The following DYNC2I1 variants were observed in gnomAD, a reference collection of about 807,000 sequenced individuals.
DYNC2I1 encodes cytoplasmic dynein 2 intermediate chain 1.
In DYNC2I1, 89 loss-of-function variants were observed where a neutral mutation model predicts 133.4. The observed-to-expected ratio is 0.67, with a 90% confidence interval of 0.56 to 0.80. DYNC2I1 has a LOEUF of 0.80. DYNC2I1 is among the 30% of genes least tolerant of loss of function. The probability of loss-of-function intolerance (pLI) is 0.00; values close to 1 mark genes in which losing one functional copy is unlikely to be tolerated. For missense variants in DYNC2I1, 1,291 were observed against 1,314.5 expected (o/e 0.98, Z 0.28); for synonymous variants, 504 against 484.3 (o/e 1.04, Z -0.54).
intron 17 of DYNC2I1, 127 bp downstream of exon 17, chr7:158,923,860 G>A (rs1202316081): frequency 4.3e-6 from 5 of 1,158,432 alleles, no homozygotes; most frequent in Admixed American, 2.9e-5. Flanking sequence ...TGACCCATGG[G>A]CAAAAGAGGC....
the DYNC2I1 span, among the ~76,000 whole-genome samples, chr7:158,846,731 T>TC: frequency 8.5e-5 from 13 of 152,250 alleles, no homozygotes; most frequent in Non-Finnish European, 1.9e-4. Context: ...GATTGATAGC[T>TC]CAGAAGTACA....
At chr7:158,853,584 T>G (rs551986877), upstream of DYNC2I1, among the ~76,000 whole-genome samples, 1 of 152,198 alleles carries the variant, frequency 6.6e-6, no homozygotes, top group East Asian at 1.9e-4. Context: ...CAGAGATGAT[T>G]TATCTAGATA....
At position 158,906,014 on chromosome 7, in the gene DYNC2I1, C is replaced by G; in HGVS notation, c.1383C>G (p.Ala461=). The G allele has an allele frequency of 6.2e-7, 1 of 1,613,808 alleles. No homozygotes were observed. Among genetic ancestry groups the G allele is most frequent in the Non-Finnish European group, 8.5e-7 (1 of 1,179,810 alleles). Residue 461 remains alanine (A), a synonymous_variant, in exon 11 of 25, where the codon GCC becomes GCG. Transcript: ENST00000407559. The part of the protein sequence containing the change: ...RTDTNSSPSR[A]SVCGIFVDFA... Reference sequence around the variant, plus strand: ...ATACAAACAGTTCCCCTTCCAGAGCCTCTGTTTGTGGAATTTTTGTGGATT... The same window carrying G: ...ATACAAACAGTTCCCCTTCCAGAGCGTCTGTTTGTGGAATTTTTGTGGATT...
At chr7:158,948,814 A>G (rs1232727711), downstream of DYNC2I1, among the ~76,000 whole-genome samples, 1 of 152,170 alleles carries the variant, frequency 6.6e-6, no homozygotes, top group Admixed American at 6.5e-5. Flanking sequence ...TAGATGTTCA[A>G]GGTCCCAGGT....
the DYNC2I1 span, among the ~76,000 whole-genome samples, chr7:158,844,932 G>A: frequency 2.6e-5 from 4 of 151,952 alleles, no homozygotes; most frequent in Non-Finnish European, 2.9e-5. Flanking sequence ...AATTGCTCTC[G>A]TTCTATCTTT....
intron 21 of DYNC2I1, among the ~76,000 whole-genome samples, chr7:158,932,940 G>C (rs1440491705): frequency 6.6e-6 from 1 of 152,208 alleles, no homozygotes; most frequent in Non-Finnish European, 1.5e-5. Flanking sequence ...GCGAGGATAG[G>C]AGCAGGGAGG....
intron 7 of DYNC2I1, among the ~76,000 whole-genome samples, chr7:158,890,286 G>A (rs377514141): frequency 6.6e-6 from 1 of 152,024 alleles, no homozygotes; most frequent in African/African-American, 2.4e-5. Context: ...TTATCAGTGA[G>A]GTAACCAATG....
At chr7:158,942,191 C>T (rs770955761) in intron 24 of DYNC2I1, 43 bp downstream of exon 24, 2 of 1,465,866 alleles carry the variant, frequency 1.4e-6, no homozygotes, top group African/African-American at 2.8e-5. Context: ...TGTGGGGGGG[C>T]TTCGGCCACG....
intron 23 of DYNC2I1, among the ~76,000 whole-genome samples, chr7:158,939,085 GTTT>G (rs919316548): frequency 6.6e-5 from 10 of 152,220 alleles, no homozygotes; most frequent in African/African-American, 2.4e-4. Context: ...TCTTTCCTTT[GTTT>G]TTATTTCCTT....
Position 158,945,761 on chromosome 7 carries a change from G to A in DYNC2I1, c.3183G>A (p.Glu1061=). The A allele has an allele frequency of 6.3e-7, 1 of 1,575,462 alleles. No homozygotes were observed. The highest frequency in any genetic ancestry group is 8.6e-7 in the Non-Finnish European group (1 of 1,159,706). ...TTTTGCAGGAAGCCCTGTGGCCAGAGGGAAAACTGCACAAGTAGCGGGTGT... is the reference window on the plus strand; with the variant it reads ...TTTTGCAGGAAGCCCTGTGGCCAGAAGGAAAACTGCACAAGTAGCGGGTGT... ...RLLLQEALWP[E]GKLHK The change falls in exon 25 of 25, where the codon GAG becomes GAA. Residue 1061 remains glutamate (E), a synonymous_variant. Coordinates refer to ENST00000407559, the MANE Select transcript of DYNC2I1 (RefSeq NM_018051.5). The surrounding 1 kb of genome is among the most constrained non-coding windows in gnomAD (Gnocchi z 4.1).
intron 14 of DYNC2I1, among the ~76,000 whole-genome samples, chr7:158,916,215 T>A (rs62476504): frequency 2.6e-5 from 1 of 37,762 alleles, no homozygotes; most frequent in Non-Finnish European, 5.6e-5. Context: ...GTGAAACGTC[T>A]ACACGCTGGT....
intron 5 of DYNC2I1, among the ~76,000 whole-genome samples, chr7:158,880,494 A>C (rs1441304600): frequency 6.6e-6 from 1 of 152,166 alleles, no homozygotes; most frequent in Non-Finnish European, 1.5e-5. Context: ...CAGGAGGCAT[A>C]GGTTGCAGTG....
chr7:158,882,033 A>G (rs1190325119), intron 5 of DYNC2I1, among the ~76,000 whole-genome samples: 2 of 152,216 alleles, frequency 1.3e-5, no homozygotes, highest in African/African-American at 4.8e-5. Flanking sequence ...TTAAAGGTGA[A>G]TGTGAAAAAT....
Position 158,945,652 on chromosome 7 carries a change from G to C in DYNC2I1, c.3074G>C (p.Arg1025Thr). ...AGCTTCCTGGCCCTGGTGCTGGCCA[G>C]GGCGTCTGGCTCCATCGACATCCAG... ...GGSFLALVLARASGSIDIQHL... is the reference protein window; with the variant it reads ...GGSFLALVLATASGSIDIQHL... The change falls in exon 25 of 25, where the codon AGG becomes ACG. Residue 1025 changes from arginine to threonine, a missense_variant. Coordinates refer to ENST00000407559, the MANE Select transcript of DYNC2I1 (RefSeq NM_018051.5). The surrounding 1 kb of genome is among the most constrained non-coding windows in gnomAD (Gnocchi z 4.1). 6.2e-7 allele frequency: 1 copy of C among 1,612,340 alleles called. No homozygotes were observed. The highest frequency in any genetic ancestry group is 2.2e-5 in the East Asian group (1 of 44,832).
intron 8 of DYNC2I1, among the ~76,000 whole-genome samples, chr7:158,895,412 G>A (rs1028985023): frequency 1.3e-5 from 2 of 152,184 alleles, no homozygotes; most frequent in African/African-American, 4.8e-5. Context: ...TCATTGTACC[G>A]TATTGCCATT....
At chr7:158,845,605 T>C in the DYNC2I1 span, among the ~76,000 whole-genome samples, 13 of 152,232 alleles carry the variant, frequency 8.5e-5, no homozygotes, top group African/African-American at 3.1e-4. Context: ...AACAGCTAAA[T>C]CTCAAGTTAC....
At chr7:158,875,761 G>T (rs1005943656) in intron 3 of DYNC2I1, among the ~76,000 whole-genome samples, 1 of 152,124 alleles carries the variant, frequency 6.6e-6, no homozygotes. Context: ...GAGGTTTGGG[G>T]GCTGCTCTGG....
intron 1 of DYNC2I1, among the ~76,000 whole-genome samples, chr7:158,858,805 C>T (rs1283515169): frequency 3.2e-5 from 4 of 126,050 alleles, no homozygotes; most frequent in South Asian, 7.0e-4. Flanking sequence ...GGAGTATCCC[C>T]TCCCCCCACT....
rs567704076 is a variant in DYNC2I1 at position 158,884,453 on chromosome 7, A to G, written c.880-111A>G. 1.0e-3 allele frequency: 891 copies of G among 875,482 alleles called. 11 individuals carry two copies. In the South Asian group the frequency reaches 0.015, roughly 15 times the overall value. The allele number at this position is 875,482 out of a possible 1,614,324, so 54.2% of individuals were successfully genotyped here. A position where few individuals can be genotyped will look rare whatever the true frequency, so the allele number is the denominator to read the frequency against. The stretch of plus-strand genomic sequence containing the variant: ...ATTTTAAAAGGTACTTGTGATGTAC[A>G]TGCTGTTGTTAAATTTTGAATCTGT... On this transcript the variant is annotated intron_variant, in intron 5 of 24. Coordinates refer to ENST00000407559, the MANE Select transcript of DYNC2I1 (RefSeq NM_018051.5).
Sources: allele counts gnomAD v4.1 joint callset (sites outside exome capture counted in the v4.1 genomes callset), GRCh38; gene constraint gnomAD v4.1.1; non-coding constraint Gnocchi (gnomAD v3.1); transcripts MANE v1.5; gene names NCBI Gene and HGNC (gene_info 2026-07-23, HGNC 2026-07-21).